Variants in SNX29 observed in about 807,000 individuals in gnomAD.
SNX29 encodes the protein sorting nexin-29.
Under a neutral mutation model 102.1 loss-of-function variants are expected in SNX29, and 78 were observed. That is an observed-to-expected ratio of 0.76 (90% CI 0.64 to 0.92). The LOEUF (loss-of-function observed/expected upper bound fraction) is 0.92. SNX29 is among the 40% of genes least tolerant of loss of function. The pLI, the probability that SNX29 is intolerant of heterozygous loss-of-function variation, is 0.00. For synonymous variants in SNX29, 580 were observed against 414.5 expected, an observed-to-expected ratio of 1.40 and a Z score of -4.85; for missense variants, 1,280 against 1,061.7, an observed-to-expected ratio of 1.21 and a Z score of -2.86.
intron 15 of SNX29, among the ~76,000 whole-genome samples, chr16:12,331,845 C>G (rs1291805422): frequency 6.6e-6 from 1 of 152,198 alleles, no homozygotes; most frequent in African/African-American, 2.4e-5. Flanking sequence ...AGCCACCATG[C>G]CTGGCCAGAA....
intron 13 of SNX29, among the ~76,000 whole-genome samples, chr16:12,160,900 T>G (rs538330867): frequency 6.6e-6 from 1 of 152,218 alleles, no homozygotes; most frequent in Non-Finnish European, 1.5e-5. Flanking sequence ...TCTGAAATAT[T>G]GAGATCTTGA....
intron 13 of SNX29, among the ~76,000 whole-genome samples, chr16:12,145,645 A>G (rs2055037499): frequency 6.6e-6 from 1 of 152,228 alleles, no homozygotes; most frequent in South Asian, 2.1e-4. Context: ...GTTTATTTTT[A>G]TGCATATATG....
At position 12,570,949 on chromosome 16, in the gene SNX29, A is replaced by AC; in HGVS notation, c.*2322dup. The stretch of plus-strand genomic sequence containing the variant: ...GCATGTTCCTGGGAGCCACATGGGG[A>AC]CCATCCCCAGCTGCCTGCTCCTGGT... On this transcript the variant is annotated 3_prime_UTR_variant, in exon 21 of 21. Coordinates refer to ENST00000566228, the MANE Select transcript of SNX29 (RefSeq NM_032167.5). 2 of 231,974 alleles carry AC rather than the reference A, an allele frequency of 8.6e-6. No homozygotes were observed. The highest frequency in any genetic ancestry group is 1.7e-5 in the Non-Finnish European group (2 of 117,290). The allele number at this position is 231,974 out of a possible 1,614,324, so 14.4% of individuals were successfully genotyped here. A position where few individuals can be genotyped will look rare whatever the true frequency, so the allele number is the denominator to read the frequency against.
rs144863861 is a variant in SNX29 at position 12,292,587 on chromosome 16, C to T, written c.1782+14551C>T. ...GCTTCTGTTTCTTAAAGGTGCTCTT[C>T]TAGTTGATTGTAAGGGGCACTGCCA... On this transcript the variant is annotated intron_variant, in intron 15 of 20. Coordinates refer to ENST00000566228, the MANE Select transcript of SNX29 (RefSeq NM_032167.5). Among the ~76,000 whole-genome samples, 6 of 152,302 alleles carry T rather than the reference C, an allele frequency of 3.9e-5. No homozygotes were observed. The East Asian group carries it at 1.2e-3, about 29-fold the overall frequency.
intron 15 of SNX29, among the ~76,000 whole-genome samples, chr16:12,312,772 C>T (rs767805427): frequency 2.4e-4 from 36 of 151,898 alleles, no homozygotes; most frequent in Non-Finnish European, 3.7e-4. Context: ...AACTGATATT[C>T]GTGATGTATT....
intron 13 of SNX29, among the ~76,000 whole-genome samples, chr16:12,140,323 T>C (rs1308413234): frequency 6.6e-6 from 1 of 152,224 alleles, no homozygotes; most frequent in African/African-American, 2.4e-5. Flanking sequence ...GAGAAGACTT[T>C]TTTCCAGTAG....
intron 20 of SNX29, among the ~76,000 whole-genome samples, chr16:12,563,763 A>G (rs1293854925): frequency 6.6e-6 from 1 of 152,090 alleles, no homozygotes; most frequent in Non-Finnish European, 1.5e-5. Flanking sequence ...CAACTTCTCC[A>G]CCCTTGTCTG....
intron 14 of SNX29, among the ~76,000 whole-genome samples, chr16:12,268,981 G>T (rs778747513): frequency 7.2e-5 from 11 of 152,182 alleles, no homozygotes; most frequent in Non-Finnish European, 1.5e-4. Context: ...GAAAAGTTAT[G>T]AATGTTCTCT....
chr16:12,370,577 G>C (rs2082646394), intron 16 of SNX29, among the ~76,000 whole-genome samples: 1 of 152,064 alleles, frequency 6.6e-6, no homozygotes, highest in Admixed American at 6.6e-5. Context: ...ATAAATGAAG[G>C]TACATCTCTG....
chr16:12,240,473 A>G (rs926182099), intron 14 of SNX29, among the ~76,000 whole-genome samples: 2 of 146,570 alleles, frequency 1.4e-5, no homozygotes, highest in African/African-American at 5.1e-5. Context: ...TCAGTTTTTT[A>G]GTATTGAGTC....
intron 5 of SNX29, among the ~76,000 whole-genome samples, chr16:12,045,987 G>A (rs1204523042): frequency 6.6e-6 from 1 of 152,114 alleles, no homozygotes; most frequent in East Asian, 1.9e-4. Flanking sequence ...ATTTCTGTCT[G>A]AAATGGTCTC....
At chr16:12,265,354 G>A (rs1017942699) in intron 14 of SNX29, among the ~76,000 whole-genome samples, 1 of 152,126 alleles carries the variant, frequency 6.6e-6, no homozygotes, top group African/African-American at 2.4e-5. Context: ...GCTGGGGAAG[G>A]GTGTGATAAC....
intron 20 of SNX29, among the ~76,000 whole-genome samples, chr16:12,559,018 A>G (rs2078552666): frequency 6.6e-6 from 1 of 151,188 alleles, no homozygotes; most frequent in African/African-American, 2.4e-5. Context: ...AGAGAGACAA[A>G]AGACTCCTTT....
intron 16 of SNX29, among the ~76,000 whole-genome samples, chr16:12,383,036 C>T (rs935661994): frequency 6.6e-6 from 1 of 152,088 alleles, no homozygotes; most frequent in East Asian, 1.9e-4. Context: ...TGGAGGACAC[C>T]GTTCGACCTA....
chr16:12,203,489 AGGT>A (rs1368960509), intron 14 of SNX29, among the ~76,000 whole-genome samples: 2 of 149,114 alleles, frequency 1.3e-5, no homozygotes, highest in Admixed American at 6.7e-5. Context: ...GTGGCATTGG[AGGT>A]GACGTCTCTG....
At chr16:12,464,976 C>T (rs919921546) in intron 18 of SNX29, among the ~76,000 whole-genome samples, 18 of 152,164 alleles carry the variant, frequency 1.2e-4, no homozygotes, top group African/African-American at 2.4e-4. Flanking sequence ...ATTGTGGTTC[C>T]GATTTACACT....
At chr16:12,296,601 C>T (rs1051337412) in intron 15 of SNX29, among the ~76,000 whole-genome samples, 6 of 152,184 alleles carry the variant, frequency 3.9e-5, no homozygotes, top group African/African-American at 1.2e-4. Flanking sequence ...GTCAATAAAA[C>T]TTTATTTACC....
At chr16:12,063,366 CTTTTTTTTTTTTTT>C (rs369015533) in intron 9 of SNX29, among the ~76,000 whole-genome samples, 1 of 55,336 alleles carries the variant, frequency 1.8e-5, no homozygotes, top group South Asian at 9.5e-4. Flanking sequence ...CCTAGTCCAT[CTTTTTTTTTTTTTT>C]TTTTTTTTTT....
chr16:12,148,859 A>G (rs558850608), intron 13 of SNX29, among the ~76,000 whole-genome samples: 13 of 152,138 alleles, frequency 8.5e-5, no homozygotes, highest in Admixed American at 3.9e-4. Flanking sequence ...CACCATGCTC[A>G]GCTAATTTTT....
Sources: allele counts gnomAD v4.1 joint callset (sites outside exome capture counted in the v4.1 genomes callset), GRCh38; gene constraint gnomAD v4.1.1; transcripts MANE v1.5; gene names NCBI Gene and HGNC (gene_info 2026-07-23, HGNC 2026-07-21).